The following ASPG variants were observed in gnomAD, a reference collection of about 807,000 sequenced individuals.
The protein encoded by ASPG is asparaginase.
In ASPG, 53 loss-of-function variants were observed where a neutral mutation model predicts 63.2. The ratio of observed to expected loss-of-function variants is 0.84; its 90% CI spans 0.67 to 1.05. The LOEUF is 1.05. Among genes scored for constraint, ASPG ranks in the 50% least tolerant of loss-of-function variants. The pLI is 0.00. For missense variants in ASPG, 741 were observed against 794.4 expected, an observed-to-expected ratio of 0.93 and a Z score of 0.81; for synonymous variants, 370 against 355.0, an observed-to-expected ratio of 1.04 and a Z score of -0.48.
chr14:104,086,603 G>C (rs1198654006), intron 1 of ASPG, among the ~76,000 whole-genome samples: 2 of 152,120 alleles, frequency 1.3e-5, no homozygotes, highest in African/African-American at 4.8e-5. Flanking sequence ...TTGCACTGGA[G>C]CCTCCAGAAT....
intron 9 of ASPG, 196 bp downstream of exon 9, chr14:104,104,931 G>A: frequency 3.4e-6 from 2 of 594,322 alleles, no homozygotes; most frequent in East Asian, 5.8e-5. Context: ...AGCCCTCACT[G>A]GACTCCCAGC....
intron 3 of ASPG, among the ~76,000 whole-genome samples, chr14:104,095,103 C>T (rs1280937024): frequency 6.6e-6 from 1 of 152,214 alleles, no homozygotes; most frequent in African/African-American, 2.4e-5. Context: ...CTGCTGGTTC[C>T]CGGCCATGGC....
intron 1 of ASPG, among the ~76,000 whole-genome samples, chr14:104,090,484 G>A (rs1362042324): frequency 1.6e-4 from 24 of 152,270 alleles, no homozygotes; most frequent in Admixed American, 1.5e-3. Context: ...TCTGGAGGCC[G>A]AGGCCTGAGA....
rs1596113074 is a variant in ASPG, at chr14:104,109,950, C to T, written c.1520+635C>T. On this transcript the variant is annotated intron_variant, in intron 13 of 15. Coordinates refer to ENST00000551177, the MANE Select transcript of ASPG (RefSeq NM_001080464.3). This position sits in a 1 kb window ranked among gnomAD's most constrained non-coding sequence, Gnocchi z 4.8. ...GGAGACTGAGGCGCAGGGAGGCCTT[C>T]GGCGAGGGTGTCGGTTGTGGGTGGA... 2.0e-5 allele frequency: 20 copies of T among 985,226 alleles called. No homozygotes were observed. The highest frequency in any genetic ancestry group is 3.5e-5 in the African/African-American group (2 of 57,264). 61.0% of individuals were successfully genotyped at this position (985,226 alleles called of 1,614,324 possible).
chr14:104,107,143 G>T, intron 11 of ASPG, 39 bp from the exon 12 acceptor site: 2 of 1,527,350 alleles, frequency 1.3e-6, no homozygotes, highest in African/African-American at 1.4e-5. Context: ...GCCCCGCCTG[G>T]GTCTCCCTCA....
At position 104,092,833 on chromosome 14, in the gene ASPG, GC is replaced by G; in HGVS notation, c.191+94del. ...GGCACTGCTGGCCAGGCCCACGTGA[GC>G]CATTTGCTCACCCCTGTCTCTAACA... On this transcript the variant is annotated intron_variant, in intron 2 of 15. Transcript: ENST00000551177. 2.7e-6 allele frequency: 3 copies of G among 1,101,112 alleles called. No homozygotes were observed. In the South Asian group the frequency reaches 4.1e-5, roughly 15 times the overall value. The allele number at this position is 1,101,112 out of a possible 1,614,324, so 68.2% of individuals were successfully genotyped here. A position where few individuals can be genotyped will look rare whatever the true frequency, so the allele number is the denominator to read the frequency against.
At chr14:104,089,114 G>A (rs1307528971) in intron 1 of ASPG, among the ~76,000 whole-genome samples, 4 of 151,744 alleles carry the variant, frequency 2.6e-5, no homozygotes, top group Non-Finnish European at 4.4e-5. Context: ...TCTGCCTCCC[G>A]GGTTCACACC....
In ASPG at chr14:104,112,692, G is replaced by A; in HGVS notation, c.*148G>A. On this transcript the variant is annotated 3_prime_UTR_variant, in exon 16 of 16. Transcript: ENST00000551177. ...CTTTGTTGGGCAGGACGGCAATAAA[G>A]TCTCTGACATCCCCTCACCAGGTCT... 6.6e-7 allele frequency: 1 copy of A among 1,515,400 alleles called. No individual in the cohort carries two copies. Among genetic ancestry groups the A allele is most frequent in the Non-Finnish European group, 8.9e-7 (1 of 1,129,830 alleles). The allele number at this position is 1,515,400 out of a possible 1,614,324, so 93.9% of individuals were successfully genotyped here.
chr14:104,112,107 CTGAGA>C, intron 15 of ASPG, 107 bp downstream of exon 15: 2 of 1,085,942 alleles, frequency 1.8e-6, no homozygotes, highest in Non-Finnish European at 2.6e-6. Flanking sequence ...CCGGAGGAGG[CTGAGA>C]TGGGTCCCAG....
At chr14:104,111,244 G>T (rs1316836469) in intron 13 of ASPG, 1 of 929,440 alleles carries the variant, frequency 1.1e-6, no homozygotes, top group Non-Finnish European at 1.3e-6. Context: ...TGTGTATGCT[G>T]CTGTGTGTGC....
chr14:104,094,116 C>T (rs371342824), intron 3 of ASPG, among the ~76,000 whole-genome samples: 5 of 151,888 alleles, frequency 3.3e-5, no homozygotes, highest in East Asian at 1.9e-4. Context: ...GTCAGAGCTG[C>T]GGGCAAGGCT....
chr14:104,092,707 G>A lies in ASPG; in HGVS notation c.157G>A (p.Ala53Thr), dbSNP rs540007288. 2 of 1,537,322 alleles carry A rather than the reference G, an allele frequency of 1.3e-6. No individual in the cohort carries two copies. Among genetic ancestry groups the A allele is most frequent in the East Asian group, 2.4e-5 (1 of 40,970 alleles). The stretch of plus-strand genomic sequence containing the variant: ...GTTCCATGACGAGGAGCACGCCCGA[G>A]CCCGCGGCCTCTCTGAGGACACCCT... ...PMFHDEEHARARGLSEDTLVL... is the reference protein window; with the variant it reads ...PMFHDEEHARTRGLSEDTLVL... The change falls in exon 2 of 16, where the codon GCC (alanine) becomes ACC (threonine). Residue 53 changes from alanine (A) to threonine (T), a missense_variant. Ala to Thr is a moderately conservative substitution (Grantham distance 58). Transcript: ENST00000551177.
chr14:104,111,620 T>G lies in ASPG; in HGVS notation c.1620+19T>G, dbSNP rs1469572543. Reference sequence around the variant, plus strand: ...GCACGTCGTGAGTGCCCCCACCCCCTGCACCCTCTCCAAAGGCTGCCACCT... The same window carrying G: ...GCACGTCGTGAGTGCCCCCACCCCCGGCACCCTCTCCAAAGGCTGCCACCT... On this transcript the variant is annotated intron_variant, in intron 14 of 15. Transcript: ENST00000551177. 3.2e-6 allele frequency: 5 copies of G among 1,545,448 alleles called. No individual in the cohort carries two copies. Among genetic ancestry groups the G allele is most frequent in the Non-Finnish European group, 4.4e-6 (5 of 1,143,584 alleles).
chr14:104,112,327 T>C (rs1489693744), intron 15 of ASPG, among the ~76,000 whole-genome samples, 197 bp from the exon 16 acceptor site: 1 of 151,718 alleles, frequency 6.6e-6, no homozygotes, highest in Admixed American at 6.6e-5. Flanking sequence ...CTAGGCTGGG[T>C]GCTTCCGCTT....
At position 104,102,966 on chromosome 14, in the gene ASPG, A is replaced by C. The variant is rs138785707; in HGVS notation, c.641-597A>C. Among the ~76,000 whole-genome samples, 742 of 152,258 alleles carry C rather than the reference A, an allele frequency of 4.9e-3. 5 individuals are homozygous for C. Among genetic ancestry groups the C allele is most frequent in the Non-Finnish European group, 8.6e-3 (587 of 67,998 alleles). ...TAGGATTTTGGGGTGAACTGGATGG[A>C]GGCCTTCTCTCCCCAGAGGTGAGGG... On this transcript the variant is annotated intron_variant, in intron 6 of 15. Transcript: ENST00000551177.
At chr14:104,106,940 C>T (rs765007285) in intron 11 of ASPG, 46 bp downstream of exon 11, 7 of 1,523,406 alleles carry the variant, frequency 4.6e-6, no homozygotes, top group African/African-American at 1.4e-5. Flanking sequence ...CACGCCTGGC[C>T]TGGGGGCTCT....
chr14:104,104,264 G>A, intron 7 of ASPG, 40 bp from the exon 8 acceptor site: 3 of 1,580,010 alleles, frequency 1.9e-6, no homozygotes, highest in Non-Finnish European at 2.6e-6. Context: ...GCTGAGGGCA[G>A]AGACCCTCAC....
chr14:104,088,294 A>C (rs1181645602), intron 1 of ASPG, among the ~76,000 whole-genome samples: 2 of 152,148 alleles, frequency 1.3e-5, no homozygotes, highest in Non-Finnish European at 2.9e-5. Flanking sequence ...GGAACGCTGC[A>C]CACCTGGAGC....
rs1467129035 is a variant in ASPG at position 104,085,762 on chromosome 14, C to T, written c.-9C>T. 4 of 1,572,540 alleles carry T rather than the reference C, an allele frequency of 2.5e-6. No individual in the cohort carries two copies. The highest frequency in any genetic ancestry group is 3.4e-6 in the Non-Finnish European group (4 of 1,167,838). On this transcript the variant is annotated 5_prime_UTR_variant, in exon 1 of 16. Transcript: ENST00000551177. ...CACCCCCGTCCACTCCCGTGGTCCC[C>T]GGTCCGGCATGGCGCGCGCGGTGGG...
Sources: gnomAD v4.1 joint callset for allele counts (sites outside exome capture counted in the v4.1 genomes callset) on GRCh38, gnomAD v4.1.1 for gene constraint, Gnocchi (gnomAD v3.1) non-coding constraint, MANE v1.5 for transcripts, NCBI Gene and HGNC (gene_info 2026-07-23, HGNC 2026-07-21) for gene names.